The following HIVEP3 variants were observed in gnomAD, a reference collection of about 807,000 sequenced individuals.
The protein encoded by HIVEP3 is HIVEP zinc finger 3, also known as transcription factor HIVEP3.
A neutral mutation model predicts 152.8 loss-of-function variants in HIVEP3; 49 were observed. The observed-to-expected ratio is 0.32, with a 90% CI of 0.26 to 0.41. The LOEUF is 0.41. HIVEP3 is among the 10% of genes least tolerant of loss of function. The probability of loss-of-function intolerance (pLI) is 1.00; values close to 1 mark genes in which losing one functional copy is unlikely to be tolerated. For missense variants in HIVEP3, 2,790 were observed against 3,103.3 expected (o/e 0.90, Z 2.40); for synonymous variants, 1,269 against 1,289.0 (o/e 0.98, Z 0.33).
rs192493608 is a variant in HIVEP3 at position 41,590,218 on chromosome 1, C to T, written c.-521-4900G>A. ...TAGTCAAAGAGTCACAGAAGGATGT[C>T]TGGGCAAAGAGAGAGGCCAAGGTCA... On this transcript the variant is annotated intron_variant, in intron 3 of 8. Coordinates refer to ENST00000372583, the MANE Select transcript of HIVEP3 (RefSeq NM_024503.5). Among the ~76,000 whole-genome samples the T allele has an allele frequency of 2.1e-3, 324 of 152,344 alleles. 1 individual carries two copies. Among genetic ancestry groups the T allele is most frequent in the South Asian group, 4.6e-3 (22 of 4,820 alleles).
rs180971504 is a variant in HIVEP3 at position 41,976,346 on chromosome 1, A to G, written n.120-57822T>C. On this transcript the variant is annotated intron_variant and non_coding_transcript_variant, in intron 1 of 3. Transcript: ENST00000489103. Reference sequence around the variant, plus strand: ...GGGATGAGCAATTGGCTCAGGTGGAAGCATTCGATGCCAGAAACACAACTC... The same window carrying G: ...GGGATGAGCAATTGGCTCAGGTGGAGGCATTCGATGCCAGAAACACAACTC... Among the ~76,000 whole-genome samples the G allele has an allele frequency of 1.7e-3, 266 of 152,306 alleles. 6 individuals carry two copies. The highest frequency in any genetic ancestry group is 1.0e-4 in the Non-Finnish European group (7 of 68,034).
Position 41,582,262 on chromosome 1 carries a change from T to C in HIVEP3, c.2536A>G (p.Lys846Glu). The change falls in exon 4 of 9, where the codon AAG (lysine) becomes GAG (glutamate). Residue 846 changes from lysine to glutamate, a missense_variant. By Grantham distance (56) the Lys-to-Glu change is moderately conservative. Coordinates refer to ENST00000372583, the MANE Select transcript of HIVEP3 (RefSeq NM_024503.5). The surrounding 1 kb of genome is among the most constrained non-coding windows in gnomAD (Gnocchi z 4.7). The stretch of plus-strand genomic sequence containing the variant: ...TGAATGTTGGGCTGGCGGACCAACT[T>C]AGGCTGCAGGGAGTGAGCAGAGCGT... ...HGRSAHSLQPKLVRQPNIQVP... is the reference protein window; with the variant it reads ...HGRSAHSLQPELVRQPNIQVP... The C allele has an allele frequency of 6.2e-7, 1 of 1,613,934 alleles. No homozygotes were observed. The highest frequency in any genetic ancestry group is 2.2e-5 in the East Asian group (1 of 44,874).
At chr1:41,980,288 A>G (rs566848315) in intron 1 of HIVEP3, among the ~76,000 whole-genome samples, 2 of 152,374 alleles carry the variant, frequency 1.3e-5, no homozygotes, top group East Asian at 3.9e-4. Context: ...CATAATAGCC[A>G]AAAGGTATAA....
intron 1 of HIVEP3, among the ~76,000 whole-genome samples, chr1:41,784,883 T>G (rs1199757700): frequency 6.6e-6 from 1 of 152,248 alleles, no homozygotes; most frequent in Non-Finnish European, 1.5e-5. Context: ...TTACAAATTT[T>G]TATCAAAACC....
chr1:41,921,974 T>C (rs1644944396), upstream of HIVEP3, among the ~76,000 whole-genome samples: 1 of 151,936 alleles, frequency 6.6e-6, no homozygotes, highest in Admixed American at 6.5e-5. Context: ...AAAAATCAGA[T>C]AAAATATAAG....
chr1:42,018,695 A>C (rs1645537171), intron 1 of HIVEP3, among the ~76,000 whole-genome samples: 1 of 152,098 alleles, frequency 6.6e-6, no homozygotes, highest in Non-Finnish European at 1.5e-5. Flanking sequence ...TTCTGCCTAC[A>C]GGCAGGATAT....
intron 1 of HIVEP3, among the ~76,000 whole-genome samples, chr1:41,967,566 T>C (rs942336253): frequency 6.6e-6 from 1 of 152,196 alleles, no homozygotes; most frequent in Non-Finnish European, 1.5e-5. Context: ...GAGAAATTTA[T>C]AGCACCAAAT....
At chr1:41,542,391 T>A (rs1643552814) in intron 5 of HIVEP3, 1 of 156,456 alleles carries the variant, frequency 6.4e-6, no homozygotes, top group South Asian at 1.8e-4. Flanking sequence ...GACCATGAAC[T>A]TCCCAGGACC....
intron 1 of HIVEP3, among the ~76,000 whole-genome samples, chr1:41,803,853 C>G (rs1214176302): frequency 6.6e-6 from 1 of 152,212 alleles, no homozygotes; most frequent in African/African-American, 2.4e-5. Context: ...GAAAGCTGTG[C>G]ACATCCTGGG....
intron 1 of HIVEP3, among the ~76,000 whole-genome samples, chr1:41,745,889 T>G (rs546343394): frequency 1.5e-4 from 23 of 152,332 alleles, no homozygotes; most frequent in African/African-American, 4.8e-4. Context: ...GGCCTGTCAG[T>G]GAATCCTAGC....
chr1:41,838,480 T>C (rs1643192256), intron 1 of HIVEP3, among the ~76,000 whole-genome samples: 1 of 152,156 alleles, frequency 6.6e-6, no homozygotes, highest in Non-Finnish European at 1.5e-5. Context: ...CTGCCTCATA[T>C]CCGCTTGTGG....
intron 1 of HIVEP3, among the ~76,000 whole-genome samples, chr1:41,826,717 T>C (rs1373783144): frequency 1.3e-5 from 2 of 152,210 alleles, no homozygotes; most frequent in Non-Finnish European, 2.9e-5. Context: ...GAAGGTTTTG[T>C]ATGCTGGAGA....
chr1:41,914,683 G>A (rs1278489177), intron 1 of HIVEP3, among the ~76,000 whole-genome samples: 1 of 152,142 alleles, frequency 6.6e-6, no homozygotes, highest in Non-Finnish European at 1.5e-5. Context: ...TGTCTGAACT[G>A]AAAAAACACC....
chr1:41,579,334 A>G (rs1274152182), intron 4 of HIVEP3, among the ~76,000 whole-genome samples: 1 of 152,268 alleles, frequency 6.6e-6, no homozygotes, highest in Admixed American at 6.5e-5. Flanking sequence ...AAGACTAACA[A>G]GACAAGGGAT....
At chr1:41,921,912 G>GCACACACACACACCA (rs550390264), upstream of HIVEP3, among the ~76,000 whole-genome samples, 1 of 151,280 alleles carries the variant, frequency 6.6e-6, no homozygotes, top group African/African-American at 2.4e-5. Flanking sequence ...CAAAAAGTGC[G>GCACACACACACACCA]CACACACACA....
chr1:41,888,561 T>TGA (rs1644389515), intron 1 of HIVEP3, among the ~76,000 whole-genome samples: 1 of 151,698 alleles, frequency 6.6e-6, no homozygotes, highest in Non-Finnish European at 1.5e-5. Context: ...GACTGAGGTG[T>TGA]TAGGCCTTGT....
chr1:41,539,820 G>A (rs1481394763), intron 5 of HIVEP3, among the ~76,000 whole-genome samples: 1 of 152,190 alleles, frequency 6.6e-6, no homozygotes, highest in East Asian at 1.9e-4. Context: ...GTCAACCAGG[G>A]TCATAGGTGA....
At chr1:41,555,485 G>A (rs574191865) in intron 5 of HIVEP3, among the ~76,000 whole-genome samples, 80 of 152,244 alleles carry the variant, frequency 5.3e-4, no homozygotes, top group East Asian at 1.9e-3. Context: ...GCTTCAGCTC[G>A]CCCTCCATGG....
intron 1 of HIVEP3, among the ~76,000 whole-genome samples, chr1:42,021,026 G>A (rs549034706): frequency 6.6e-6 from 1 of 152,310 alleles, no homozygotes; most frequent in South Asian, 2.1e-4. Context: ...GTCAGATTTT[G>A]CAGGGTCCTG....
Sources: gnomAD v4.1 joint callset for allele counts (sites outside exome capture counted in the v4.1 genomes callset) on GRCh38, gnomAD v4.1.1 for gene constraint, Gnocchi (gnomAD v3.1) non-coding constraint, MANE v1.5 for transcripts, NCBI Gene and HGNC (gene_info 2026-07-23, HGNC 2026-07-21) for gene names.